The following MTHFD1L variants were observed in gnomAD, a reference collection of about 807,000 sequenced individuals.
MTHFD1L encodes monofunctional C1-tetrahydrofolate synthase, mitochondrial.
A neutral mutation model predicts 119.5 loss-of-function variants in MTHFD1L; 81 were observed. That is an observed-to-expected ratio of 0.68 (90% CI 0.57 to 0.82). The LOEUF is 0.82. MTHFD1L is among the 40% of genes least tolerant of loss of function. The probability of loss-of-function intolerance (pLI) is 0.00; values close to 1 mark genes in which losing one functional copy is unlikely to be tolerated. For synonymous variants in MTHFD1L, 430 were observed against 475.2 expected, an observed-to-expected ratio of 0.90 and a Z score of 1.24; for missense variants, 1,125 against 1,253.4, an observed-to-expected ratio of 0.90 and a Z score of 1.55.
intron 8 of MTHFD1L, among the ~76,000 whole-genome samples, chr6:150,909,818 G>A (rs1437792773): frequency 6.6e-6 from 1 of 152,172 alleles, no homozygotes; most frequent in African/African-American, 2.4e-5. Flanking sequence ...GCCCTGGGAT[G>A]CTGATGTGCT....
chr6:150,865,844 G>C lies in MTHFD1L; in HGVS notation c.22G>C (p.Val8Leu), dbSNP rs777145083. The C allele has an allele frequency of 3.2e-5, 40 of 1,248,462 alleles. No individual in the cohort carries two copies. In the South Asian group the frequency reaches 3.8e-4, roughly 12 times the overall value. The allele number at this position is 1,248,462 out of a possible 1,614,324, so 77.3% of individuals were successfully genotyped here. The change falls in exon 1 of 28, where the codon GTC becomes CTC. Residue 8 changes from valine to leucine, a missense_variant. Physicochemically the swap from Val to Leu is conservative, Grantham distance 32. Transcript: ENST00000367321. MGTRLPL[V>L]LRQLRRPPQP... ...CGCCATGGGCACGCGTCTGCCGCTC[G>C]TCCTGCGCCAGCTCCGCCGCCCGCC... is the stretch of plus-strand genomic sequence containing the variant.
intron 26 of MTHFD1L, among the ~76,000 whole-genome samples, chr6:151,083,597 A>G (rs1270750472): frequency 6.6e-6 from 1 of 152,230 alleles, no homozygotes; most frequent in Non-Finnish European, 1.5e-5. Flanking sequence ...CTACTTGATC[A>G]ATAGTGGCAT....
intron 1 of MTHFD1L, among the ~76,000 whole-genome samples, chr6:150,866,922 T>C (rs1778460680): frequency 6.6e-6 from 1 of 152,112 alleles, no homozygotes; most frequent in Admixed American, 6.5e-5. Context: ...CCCTTCCGCC[T>C]CCCTCGGAAC....
chr6:150,868,766 G>A (rs1009103347), intron 1 of MTHFD1L, among the ~76,000 whole-genome samples: 17 of 152,096 alleles, frequency 1.1e-4, no homozygotes, highest in African/African-American at 4.1e-4. Flanking sequence ...TATAACAAGA[G>A]AAAAGACAAA....
chr6:150,905,537 C>G, intron 7 of MTHFD1L, 113 bp from the exon 8 acceptor site: 1 of 745,464 alleles, frequency 1.3e-6, no homozygotes, highest in South Asian at 1.6e-5. Context: ...TTGTCAGCAG[C>G]TTGGAACAAA....
At chr6:150,949,652 G>A (rs1306576496) in intron 16 of MTHFD1L, among the ~76,000 whole-genome samples, 3 of 152,056 alleles carry the variant, frequency 2.0e-5, no homozygotes, top group East Asian at 1.9e-4. Flanking sequence ...ATGCATCCAG[G>A]TGGAGTCCCC....
chr6:150,945,322 T>C, intron 14 of MTHFD1L, 145 bp from the exon 15 acceptor site: 1 of 614,562 alleles, frequency 1.6e-6, no homozygotes. Flanking sequence ...TCAACATTGT[T>C]TATATTAGCC....
chr6:151,044,972 T>A (rs1787747977), intron 26 of MTHFD1L, among the ~76,000 whole-genome samples: 1 of 152,056 alleles, frequency 6.6e-6, no homozygotes, highest in Non-Finnish European at 1.5e-5. Context: ...TTGTTTTCCG[T>A]CCCCCTCCCT....
At chr6:150,981,128 A>G (rs927493887) in intron 20 of MTHFD1L, among the ~76,000 whole-genome samples, 4 of 152,170 alleles carry the variant, frequency 2.6e-5, no homozygotes, top group African/African-American at 2.4e-5. Context: ...AATTACCACC[A>G]TATGTTATGA....
chr6:150,881,591 C>T (rs936229066), intron 4 of MTHFD1L, among the ~76,000 whole-genome samples: 2 of 152,070 alleles, frequency 1.3e-5, no homozygotes, highest in African/African-American at 4.8e-5. Flanking sequence ...GACATCGTGG[C>T]CTCTGACCAC....
Position 151,003,012 on chromosome 6 carries a change from C to T in MTHFD1L, c.2126-6807C>T, listed in dbSNP as rs181916835. Among the ~76,000 whole-genome samples the T allele has an allele frequency of 3.8e-3, 580 of 152,138 alleles. 6 individuals are homozygous for T. The highest frequency in any genetic ancestry group is 0.012 in the African/African-American group (517 of 41,488). Reference sequence around the variant, plus strand: ...CATTGCTAAGTGTCCAGGTGGGGAGCGGAATAGGCAGAACCGCCTCCAGTC... The same window carrying T: ...CATTGCTAAGTGTCCAGGTGGGGAGTGGAATAGGCAGAACCGCCTCCAGTC... On this transcript the variant is annotated intron_variant, in intron 20 of 27. Transcript: ENST00000367321.
At chr6:151,027,053 T>C (rs1397096182) in intron 24 of MTHFD1L, among the ~76,000 whole-genome samples, 2 of 152,016 alleles carry the variant, frequency 1.3e-5, no homozygotes, top group Middle Eastern at 6.8e-3. Context: ...ATGGTCTCGA[T>C]CTCTTAACCT....
At chr6:150,953,087 G>A (rs180735981) in intron 16 of MTHFD1L, among the ~76,000 whole-genome samples, 123 of 152,176 alleles carry the variant, frequency 8.1e-4, no homozygotes, top group African/African-American at 2.8e-3. Flanking sequence ...GGGCCCACAA[G>A]CCTCCCTCAG....
chr6:151,006,415 GA>G (rs999927687), intron 20 of MTHFD1L, among the ~76,000 whole-genome samples: 5 of 152,230 alleles, frequency 3.3e-5, no homozygotes, highest in Non-Finnish European at 7.3e-5. Context: ...CACGAAGTCT[GA>G]GGCAGGGAGT....
intron 20 of MTHFD1L, among the ~76,000 whole-genome samples, chr6:150,995,312 C>T (rs536027516): frequency 1.3e-5 from 2 of 152,108 alleles, no homozygotes; most frequent in East Asian, 3.9e-4. Context: ...GTCGGGAGTT[C>T]GAGACCAGCC....
In MTHFD1L at chr6:150,994,066, A is replaced by T. The variant is rs1237246670; in HGVS notation, c.2126-15753A>T. On this transcript the variant is annotated intron_variant, in intron 20 of 27. Coordinates refer to ENST00000367321, the MANE Select transcript of MTHFD1L (RefSeq NM_015440.5). ...TTACCCACAAATAACAACAACAGTA[A>T]AAAAAAAAAAAAAAGAAAGAAAGAA... Among the ~76,000 whole-genome samples, 176 of 104,584 alleles carry T rather than the reference A, an allele frequency of 1.7e-3. 1 individual carries two copies. Among genetic ancestry groups the T allele is most frequent in the East Asian group, 4.7e-3 (6 of 1,282 alleles). The allele number at this position is 104,584 out of a possible 152,430, so 68.6% of individuals were successfully genotyped here.
At chr6:151,047,514 C>T (rs1481951790) in intron 26 of MTHFD1L, among the ~76,000 whole-genome samples, 1 of 152,110 alleles carries the variant, frequency 6.6e-6, no homozygotes, top group Non-Finnish European at 1.5e-5. Context: ...CATGACTAAC[C>T]CCTAAGAATT....
At position 150,950,516 on chromosome 6, in the gene MTHFD1L, C is replaced by A. The variant is rs75609309; in HGVS notation, c.1726+1383C>A. Among the ~76,000 whole-genome samples the A allele has an allele frequency of 9.2e-5, 14 of 152,360 alleles. 1 individual carries two copies. In the East Asian group the frequency reaches 2.7e-3, roughly 29 times the overall value. On this transcript the variant is annotated intron_variant, in intron 16 of 27. Transcript: ENST00000367321. ...TGCACAACTTTGGACAGACTGCTCACTCAGTTTCCTCATCTTTAAAATGGA... is the reference window on the plus strand; with the variant it reads ...TGCACAACTTTGGACAGACTGCTCAATCAGTTTCCTCATCTTTAAAATGGA...
At chr6:150,903,734 C>T (rs1199815101) in intron 7 of MTHFD1L, among the ~76,000 whole-genome samples, 2 of 152,100 alleles carry the variant, frequency 1.3e-5, no homozygotes, top group Non-Finnish European at 1.5e-5. Flanking sequence ...GGTCTGGCCT[C>T]GGCAAAGGTT....
Sources: allele counts gnomAD v4.1 joint callset (sites outside exome capture counted in the v4.1 genomes callset), GRCh38; gene constraint gnomAD v4.1.1; transcripts MANE v1.5; gene names NCBI Gene and HGNC (gene_info 2026-07-23, HGNC 2026-07-21).